The following ME1 variants were observed in gnomAD, a reference collection of about 807,000 sequenced individuals.
ME1 encodes the protein malic enzyme 1.
ME1 carries 74 observed loss-of-function variants against 66.4 expected under a neutral mutation model. The ratio of observed to expected loss-of-function variants is 1.11; its 90% CI spans 0.92 to 1.35. The LOEUF is 1.35. Ranked by LOEUF, ME1 falls within the 40% of genes most tolerant of loss-of-function variation. The pLI is 0.00. For missense variants in ME1, 750 were observed against 694.1 expected, an observed-to-expected ratio of 1.08 and a Z score of -0.90; for synonymous variants, 251 against 235.6, an observed-to-expected ratio of 1.07 and a Z score of -0.60.
At chr6:83,389,401 T>C (rs2128549566) in intron 3 of ME1, among the ~76,000 whole-genome samples, 1 of 152,268 alleles carries the variant, frequency 6.6e-6, no homozygotes, top group South Asian at 2.1e-4. Context: ...AAGAATAATT[T>C]ATAAAATATG....
intron 7 of ME1, among the ~76,000 whole-genome samples, chr6:83,246,567 T>C (rs189638094): frequency 7.9e-5 from 12 of 152,282 alleles, no homozygotes; most frequent in Admixed American, 4.6e-4. Context: ...TAAAATATTA[T>C]TTTGTACAGT....
At chr6:83,387,192 T>A (rs1481443621) in intron 3 of ME1, among the ~76,000 whole-genome samples, 1 of 152,042 alleles carries the variant, frequency 6.6e-6, no homozygotes, top group African/African-American at 2.4e-5. Context: ...CAGTATATAA[T>A]TAAAATAGAT....
At chr6:83,256,693 A>G (rs1766778623) in intron 6 of ME1, among the ~76,000 whole-genome samples, 1 of 152,120 alleles carries the variant, frequency 6.6e-6, no homozygotes, top group South Asian at 2.1e-4. Context: ...ATTACTGGGT[A>G]TATACCCAAA....
intron 6 of ME1, among the ~76,000 whole-genome samples, chr6:83,261,742 G>A (rs1022442237): frequency 3.9e-5 from 6 of 151,976 alleles, no homozygotes; most frequent in East Asian, 1.9e-4. Flanking sequence ...GGCCGGGCGC[G>A]GTGGCTCACG....
At chr6:83,326,581 G>C (rs1003685340) in intron 5 of ME1, among the ~76,000 whole-genome samples, 4 of 152,030 alleles carry the variant, frequency 2.6e-5, no homozygotes, top group African/African-American at 9.7e-5. Context: ...CAAAGGATAT[G>C]AACAGACATT....
At chr6:83,227,807 T>C (rs1327709693) in intron 10 of ME1, among the ~76,000 whole-genome samples, 1 of 152,202 alleles carries the variant, frequency 6.6e-6, no homozygotes, top group Non-Finnish European at 1.5e-5. Context: ...ATTCTATGAG[T>C]ATATTTCAGT....
chr6:83,292,148 C>T (rs139391429), intron 6 of ME1, among the ~76,000 whole-genome samples: 4,203 of 152,182 alleles, frequency 0.028, 191 homozygotes, highest in African/African-American at 0.093. Flanking sequence ...ATTCTCCATC[C>T]AGTTTTGTTC....
At chr6:83,268,710 C>T (rs562551027) in intron 6 of ME1, among the ~76,000 whole-genome samples, 3 of 148,676 alleles carry the variant, frequency 2.0e-5, no homozygotes, top group Non-Finnish European at 3.0e-5. Flanking sequence ...GGACCACAGG[C>T]GCGCATCACC....
chr6:83,366,969 C>T (rs1049442256), intron 3 of ME1, among the ~76,000 whole-genome samples: 2 of 152,134 alleles, frequency 1.3e-5, no homozygotes, highest in African/African-American at 4.8e-5. Flanking sequence ...CTGTCTATGG[C>T]AGCTATAGTA....
intron 4 of ME1, among the ~76,000 whole-genome samples, chr6:83,348,625 A>G (rs994041143): frequency 6.6e-6 from 1 of 152,042 alleles, no homozygotes; most frequent in Non-Finnish European, 1.5e-5. Flanking sequence ...TTCAAGTGGC[A>G]TAACTTTTCA....
intron 6 of ME1, among the ~76,000 whole-genome samples, chr6:83,311,090 C>A (rs1308964563): frequency 6.6e-6 from 1 of 152,062 alleles, no homozygotes; most frequent in African/African-American, 2.4e-5. Context: ...GAGATTTCAC[C>A]CCCATAAGTT....
chr6:83,211,315 AAT>A lies in ME1; in HGVS notation c.*607_*608del, dbSNP rs1789867031. The A allele has an allele frequency of 6.5e-6, 1 of 152,672 alleles. No individual in the cohort carries two copies. 9.5% of individuals were successfully genotyped at this position (152,672 alleles called of 1,614,324 possible). The stretch of plus-strand genomic sequence containing the variant: ...AGAGCTTTACTCTATGAGATGTAAC[AAT>A]GACAAAAGAATATTAAAATCTAAGG... On this transcript the variant is annotated 3_prime_UTR_variant, in exon 14 of 14. Coordinates refer to ENST00000369705, the MANE Select transcript of ME1 (RefSeq NM_002395.6).
At chr6:83,241,057 C>G (rs1432690476) in intron 7 of ME1, among the ~76,000 whole-genome samples, 1 of 151,976 alleles carries the variant, frequency 6.6e-6, no homozygotes, top group Non-Finnish European at 1.5e-5. Flanking sequence ...AAAAATATGG[C>G]TAGTGTATGT....
chr6:83,222,982 T>C (rs1000132772), intron 12 of ME1, among the ~76,000 whole-genome samples: 4 of 152,230 alleles, frequency 2.6e-5, no homozygotes, highest in Non-Finnish European at 5.9e-5. Context: ...TTTGATCTAA[T>C]TTCTGCTTAA....
intron 5 of ME1, among the ~76,000 whole-genome samples, chr6:83,345,955 C>CACT (rs1387933828): frequency 1.3e-5 from 2 of 151,896 alleles, no homozygotes; most frequent in African/African-American, 4.8e-5. Flanking sequence ...CAACATAAGG[C>CACT]ACTAGGGAAG....
intron 3 of ME1, among the ~76,000 whole-genome samples, chr6:83,355,113 C>T (rs953425526): frequency 6.6e-6 from 1 of 152,010 alleles, no homozygotes; most frequent in South Asian, 2.1e-4. Flanking sequence ...GTATATATTT[C>T]TTTTGGATCC....
At chr6:83,274,096 C>G (rs190070623) in intron 6 of ME1, among the ~76,000 whole-genome samples, 9 of 152,234 alleles carry the variant, frequency 5.9e-5, no homozygotes, top group Admixed American at 5.9e-4. Flanking sequence ...ACCTAATGCT[C>G]TGCTAATAAT....
At chr6:83,308,774 A>G (rs1458926949) in intron 6 of ME1, among the ~76,000 whole-genome samples, 1 of 151,970 alleles carries the variant, frequency 6.6e-6, no homozygotes, top group Non-Finnish European at 1.5e-5. Flanking sequence ...GAATAGAGAC[A>G]GAACATAAAT....
At chr6:83,398,183 A>G (rs992284632) in intron 3 of ME1, among the ~76,000 whole-genome samples, 184 bp downstream of exon 3, 4 of 152,226 alleles carry the variant, frequency 2.6e-5, no homozygotes, top group African/African-American at 9.6e-5. Context: ...AATAATGCAT[A>G]TGCTAATTAG....
Sources: allele counts gnomAD v4.1 joint callset (sites outside exome capture counted in the v4.1 genomes callset), GRCh38; gene constraint gnomAD v4.1.1; transcripts MANE v1.5; gene names NCBI Gene and HGNC (gene_info 2026-07-23, HGNC 2026-07-21).